The following LINGO1 variants were observed in gnomAD, a reference collection of about 807,000 sequenced individuals.
LINGO1 encodes leucine rich repeat and Ig domain containing 1, also known as leucine-rich repeat and immunoglobulin-like domain-containing nogo receptor-interacting protein 1.
In LINGO1, 11 loss-of-function variants were observed where a neutral mutation model predicts 37.3. That is an observed-to-expected ratio of 0.29 (90% CI 0.19 to 0.49). LINGO1 has a LOEUF of 0.49. Among genes scored for constraint, LINGO1 ranks in the 20% least tolerant of loss-of-function variants. LINGO1 has a pLI of 0.99. For missense variants in LINGO1, 585 were observed against 878.2 expected (o/e 0.67, Z 4.22); for synonymous variants, 387 against 403.0 (o/e 0.96, Z 0.48).
At chr15:77,809,754 G>T (rs1403242298) in intron 1 of LINGO1, among the ~76,000 whole-genome samples, 1 of 152,226 alleles carries the variant, frequency 6.6e-6, no homozygotes, top group African/African-American at 2.4e-5. Context: ...GGCTCTCAGA[G>T]CAGAGGACGC....
At chr15:77,770,110 T>C (rs2046010049) in intron 1 of LINGO1, among the ~76,000 whole-genome samples, 1 of 152,110 alleles carries the variant, frequency 6.6e-6, no homozygotes, top group Admixed American at 6.5e-5. Flanking sequence ...CTTAGTGCCC[T>C]CAGCTGGAGA....
chr15:77,711,035 C>T lies in LINGO1; in HGVS notation c.-194-20134G>A, dbSNP rs536674324. On this transcript the variant is annotated intron_variant, in intron 2 of 3. Coordinates refer to the LINGO1 transcript ENST00000561686. The stretch of plus-strand genomic sequence containing the variant: ...CCAGTGGGGCACCTTCTTCCCCAGC[C>T]CCCTCTCTGAGCCTTTGCTCACCCA... Among the ~76,000 whole-genome samples, 9 of 152,320 alleles carry T rather than the reference C, an allele frequency of 5.9e-5. No individual in the cohort carries two copies. The South Asian group carries it at 1.9e-3, about 32-fold the overall frequency.
At chr15:77,691,515 C>T (rs951796224) in intron 1 of LINGO1, among the ~76,000 whole-genome samples, 3 of 140,524 alleles carry the variant, frequency 2.1e-5, no homozygotes, top group Non-Finnish European at 4.9e-5. Context: ...AGGGATGTCC[C>T]TGGGGAAGGG....
At chr15:77,747,187 G>T (rs371169993) in intron 1 of LINGO1, among the ~76,000 whole-genome samples, 106 of 152,272 alleles carry the variant, frequency 7.0e-4, no homozygotes, top group African/African-American at 2.5e-3. Context: ...CCTGTCCCTT[G>T]GTCCCCCGCC....
chr15:77,748,470 C>T (rs548868964), intron 1 of LINGO1, among the ~76,000 whole-genome samples: 30 of 152,214 alleles, frequency 2.0e-4, no homozygotes, highest in African/African-American at 7.0e-4. Flanking sequence ...GAGCCTGGCT[C>T]AGGGCCCGCC....
intron 3 of LINGO1, among the ~76,000 whole-genome samples, chr15:77,665,873 A>G (rs2075118368): frequency 6.6e-6 from 1 of 152,110 alleles, no homozygotes; most frequent in Non-Finnish European, 1.5e-5. Context: ...CAGTGAATCC[A>G]TTCAAGTGTT....
intron 1 of LINGO1, among the ~76,000 whole-genome samples, chr15:77,753,344 T>A (rs1321493609): frequency 6.6e-6 from 1 of 152,246 alleles, no homozygotes; most frequent in Non-Finnish European, 1.5e-5. Flanking sequence ...ACTGGCATTC[T>A]CCTGGCTTTG....
At chr15:77,630,725 G>C (rs916445089) in intron 1 of LINGO1, among the ~76,000 whole-genome samples, 4 of 152,298 alleles carry the variant, frequency 2.6e-5, no homozygotes, top group African/African-American at 7.2e-5. Context: ...AATTGTCAGG[G>C]GGTGAGGAGG....
intron 1 of LINGO1, among the ~76,000 whole-genome samples, chr15:77,773,454 T>C (rs2076605554): frequency 6.6e-6 from 1 of 152,076 alleles, no homozygotes. Flanking sequence ...CGCAGTGAAG[T>C]TAGGTGACAG....
At chr15:77,661,882 C>G (rs1458993482) in intron 3 of LINGO1, among the ~76,000 whole-genome samples, 1 of 152,202 alleles carries the variant, frequency 6.6e-6, no homozygotes, top group Non-Finnish European at 1.5e-5. Flanking sequence ...CTTGGAGACC[C>G]TTCCAGGGCC....
At chr15:77,737,405 G>A (rs1368307148) in intron 1 of LINGO1, among the ~76,000 whole-genome samples, 4 of 152,074 alleles carry the variant, frequency 2.6e-5, no homozygotes, top group African/African-American at 7.2e-5. Context: ...AAAGAGAAGG[G>A]AGGGAAGAAA....
chr15:77,790,225 T>C (rs547729931), upstream of LINGO1, among the ~76,000 whole-genome samples: 22 of 152,274 alleles, frequency 1.4e-4, no homozygotes, highest in African/African-American at 4.8e-4. Flanking sequence ...GCCCCTCACA[T>C]TGGGACACTG....
chr15:77,632,944 G>C (rs560461084), upstream of LINGO1, among the ~76,000 whole-genome samples: 2 of 151,386 alleles, frequency 1.3e-5, no homozygotes, highest in Non-Finnish European at 3.0e-5. The surrounding 1 kb of genome is among the most constrained non-coding windows in gnomAD (Gnocchi z 6.0). Context: ...GAGGGATCGA[G>C]GGAGGAGGGA....
intron 3 of LINGO1, among the ~76,000 whole-genome samples, chr15:77,672,108 C>T (rs1186778386): frequency 6.6e-6 from 1 of 151,914 alleles, no homozygotes; most frequent in African/African-American, 2.4e-5. Context: ...GAACTCCAGC[C>T]CCAAGTTTCC....
chr15:77,714,099 G>C (rs955647177), intron 2 of LINGO1, among the ~76,000 whole-genome samples: 2 of 152,172 alleles, frequency 1.3e-5, no homozygotes, highest in Non-Finnish European at 2.9e-5. Flanking sequence ...TCTGCAGAAG[G>C]AGGTGGTCAA....
chr15:77,801,547 G>A (rs1488399346), intron 1 of LINGO1, among the ~76,000 whole-genome samples: 1 of 152,004 alleles, frequency 6.6e-6, no homozygotes, highest in East Asian at 1.9e-4. Context: ...GTATTGTTGG[G>A]TCTTCTGTTG....
intron 3 of LINGO1, among the ~76,000 whole-genome samples, chr15:77,653,972 G>C (rs771110774): frequency 3.9e-5 from 6 of 152,188 alleles, no homozygotes; most frequent in Non-Finnish European, 5.9e-5. Context: ...CTTCCTCTTA[G>C]GCACTTGGTG....
At chr15:77,734,392 G>A (rs1490732028) in intron 2 of LINGO1, among the ~76,000 whole-genome samples, 1 of 151,968 alleles carries the variant, frequency 6.6e-6, no homozygotes, top group Non-Finnish European at 1.5e-5. Flanking sequence ...TCATTCCCAG[G>A]ACAGAGTGTC....
intron 2 of LINGO1, among the ~76,000 whole-genome samples, chr15:77,683,349 C>G (rs78593865): frequency 6.6e-6 from 1 of 152,112 alleles, no homozygotes; most frequent in Non-Finnish European, 1.5e-5. Flanking sequence ...TCACCCCGGC[C>G]ACTCGCATCT....
Sources: allele counts gnomAD v4.1 joint callset (sites outside exome capture counted in the v4.1 genomes callset), GRCh38; gene constraint gnomAD v4.1.1; non-coding constraint Gnocchi (gnomAD v3.1); transcripts MANE v1.5; gene names NCBI Gene and HGNC (gene_info 2026-07-23, HGNC 2026-07-21).